Variants in ABLIM3 observed in about 807,000 individuals in gnomAD.
The protein encoded by ABLIM3 is actin binding LIM protein family member 3.
A neutral mutation model predicts 109.5 loss-of-function variants in ABLIM3; 61 were observed. The observed-to-expected ratio is 0.56, with a 90% confidence interval of 0.45 to 0.69. The LOEUF (loss-of-function observed/expected upper bound fraction) is 0.69, where lower values mean the gene tolerates loss of function less well. Ranked by LOEUF, ABLIM3 falls within the 30% of genes least tolerant of loss-of-function variation. The pLI is 0.00. For missense variants in ABLIM3, 796 were observed against 889.5 expected (o/e 0.89, Z 1.34); for synonymous variants, 300 against 324.8 (o/e 0.92, Z 0.82).
intron 5 of ABLIM3, among the ~76,000 whole-genome samples, chr5:149,202,588 A>G (rs892199895): frequency 6.6e-6 from 1 of 152,244 alleles, no homozygotes; most frequent in Non-Finnish European, 1.5e-5. Flanking sequence ...AAGAAAAAGA[A>G]CATATCATGG....
intron 15 of ABLIM3, 186 bp downstream of exon 15, chr5:149,242,724 A>G (rs1752977663): frequency 1.5e-6 from 1 of 652,430 alleles, no homozygotes; most frequent in Admixed American, 2.4e-5. Context: ...TCAAAAGAAC[A>G]AAGTCCTCAT....
chr5:149,177,449 AG>A (rs760105717), intron 2 of ABLIM3, among the ~76,000 whole-genome samples: 3 of 152,234 alleles, frequency 2.0e-5, no homozygotes, highest in Non-Finnish European at 4.4e-5. Context: ...ACAATGCCCT[AG>A]GATAACATAG....
At chr5:149,206,426 A>G (rs776007672) in intron 5 of ABLIM3, among the ~76,000 whole-genome samples, 4 of 152,198 alleles carry the variant, frequency 2.6e-5, no homozygotes, top group Non-Finnish European at 5.9e-5. Flanking sequence ...TTTGGCAAAT[A>G]TGCTTTGAGT....
chr5:149,257,120 C>T (rs1018076995), intron 23 of ABLIM3, among the ~76,000 whole-genome samples: 3 of 152,166 alleles, frequency 2.0e-5, no homozygotes, highest in Non-Finnish European at 4.4e-5. Flanking sequence ...GCCTAGGGAA[C>T]ATGGTGAAAC....
chr5:149,258,920 T>TG lies in ABLIM3; in HGVS notation c.*520dup. ...CCCAATTAGGAGCTCAGTGCTCTCT[T>TG]GGGGCAATGCAGTTAAAAGGGTGAG... On this transcript the variant is annotated 3_prime_UTR_variant, in exon 24 of 24. Coordinates refer to ENST00000309868, the MANE Select transcript of ABLIM3 (RefSeq NM_014945.5). 1.0e-6 allele frequency: 1 copy of TG among 990,870 alleles called. No individual in the cohort carries two copies. Among genetic ancestry groups the TG allele is most frequent in the Non-Finnish European group, 1.2e-6 (1 of 833,526 alleles). 61.4% of individuals were successfully genotyped at this position (990,870 alleles called of 1,614,324 possible). A position where few individuals can be genotyped will look rare whatever the true frequency, so the allele number is the denominator to read the frequency against.
At chr5:149,228,308 T>C (rs1257095978) in intron 8 of ABLIM3, among the ~76,000 whole-genome samples, 1 of 152,152 alleles carries the variant, frequency 6.6e-6, no homozygotes, top group East Asian at 1.9e-4. Flanking sequence ...TTCTGTTAAG[T>C]CTCTTCTTCA....
Position 149,169,192 on chromosome 5 carries a change from G to A in ABLIM3, c.14-14260G>A, listed in dbSNP as rs541623203. On this transcript the variant is annotated intron_variant, in intron 2 of 23. Transcript: ENST00000309868. Reference sequence around the variant, plus strand: ...GCGTAGACGCTAGAATGTTTGCAGCGACAAGCGACAGCCCCCAGCTAAAAC... The same window carrying A: ...GCGTAGACGCTAGAATGTTTGCAGCAACAAGCGACAGCCCCCAGCTAAAAC... Among the ~76,000 whole-genome samples, 49 of 148,666 alleles carry A rather than the reference G, an allele frequency of 3.3e-4. No individual in the cohort carries two copies. In the Middle Eastern group the frequency reaches 0.027, roughly 83 times the overall value.
intron 8 of ABLIM3, among the ~76,000 whole-genome samples, chr5:149,226,843 G>T (rs1286499914): frequency 6.6e-6 from 1 of 152,108 alleles, no homozygotes; most frequent in African/African-American, 2.4e-5. Flanking sequence ...GGCCGAGGCG[G>T]GCAGATCACC....
At position 149,259,827 on chromosome 5, in the gene ABLIM3, G is replaced by A. The variant is rs1754753729; in HGVS notation, c.*1423G>A. ...TGACAATAATGACTCTCAAGAGGCTGGCGATGTGACATGGCAAATGTAGAA... is the reference window on the plus strand; with the variant it reads ...TGACAATAATGACTCTCAAGAGGCTAGCGATGTGACATGGCAAATGTAGAA... On this transcript the variant is annotated 3_prime_UTR_variant, in exon 24 of 24. Transcript: ENST00000309868. 1 of 559,956 alleles carries A rather than the reference G, an allele frequency of 1.8e-6. No individual in the cohort carries two copies. The highest frequency in any genetic ancestry group is 3.2e-6 in the Non-Finnish European group (1 of 313,472). The allele number at this position is 559,956 out of a possible 1,614,324, so 34.7% of individuals were successfully genotyped here.
At chr5:149,197,334 G>A (rs748066994) in intron 3 of ABLIM3, among the ~76,000 whole-genome samples, 1 of 152,084 alleles carries the variant, frequency 6.6e-6, no homozygotes, top group Non-Finnish European at 1.5e-5. Flanking sequence ...TTCCTTTAGT[G>A]TTCAACTCAG....
At chr5:149,162,240 T>C (rs914102082) in intron 2 of ABLIM3, among the ~76,000 whole-genome samples, 8 of 152,198 alleles carry the variant, frequency 5.3e-5, no homozygotes, top group African/African-American at 1.7e-4. Flanking sequence ...CTTTCAATCA[T>C]TAAAATTTAA....
intron 18 of ABLIM3, among the ~76,000 whole-genome samples, chr5:149,249,533 G>A (rs1331800232): frequency 6.6e-6 from 1 of 152,198 alleles, no homozygotes. Flanking sequence ...GTGCACCAGT[G>A]CTGTTTGCAA....
chr5:149,233,303 A>G lies in ABLIM3; in HGVS notation c.888+3A>G. 1.2e-6 allele frequency: 2 copies of G among 1,613,956 alleles called. No homozygotes were observed. The highest frequency in any genetic ancestry group is 1.7e-6 in the Non-Finnish European group (2 of 1,179,828). On this transcript the variant is annotated splice_donor_region_variant and intron_variant, in intron 10 of 23. Transcript: ENST00000309868. ...GGTCACCCAACCGAGTCATCTGCGT[A>G]TGTATCACTTTTCTACCACCAAAGG...
At chr5:149,175,443 A>G (rs1755839379) in intron 2 of ABLIM3, among the ~76,000 whole-genome samples, 1 of 152,322 alleles carries the variant, frequency 6.6e-6, no homozygotes, top group East Asian at 1.9e-4. Context: ...GAGGGCAGAA[A>G]GGGCTTCTTT....
At chr5:149,222,256 C>T (rs1193401025) in intron 8 of ABLIM3, among the ~76,000 whole-genome samples, 1 of 152,064 alleles carries the variant, frequency 6.6e-6, no homozygotes, top group Non-Finnish European at 1.5e-5. Context: ...ATCCTCACGA[C>T]AACCCTGTCA....
intron 2 of ABLIM3, among the ~76,000 whole-genome samples, chr5:149,143,602 AT>A (rs1752680886): frequency 6.6e-6 from 1 of 151,498 alleles, no homozygotes; most frequent in African/African-American, 2.4e-5. Context: ...TTTACTACGT[AT>A]TTGTATGATT....
chr5:149,197,202 G>A (rs915504086), intron 3 of ABLIM3, among the ~76,000 whole-genome samples: 1 of 152,102 alleles, frequency 6.6e-6, no homozygotes, highest in Admixed American at 6.5e-5. Flanking sequence ...CCTCCAACTG[G>A]TCTGCACAAT....
chr5:149,246,538 A>G lies in ABLIM3; in HGVS notation c.1543A>G (p.Met515Val), dbSNP rs1753377782. ...GGEEDDFDRS[M>V]HKLQSGIGRL... Reference sequence around the variant, plus strand: ...AGAGGAGGATGATTTTGACCGCAGCATGCACAAGGTGGGCAGAGACCACAG... The same window carrying G: ...AGAGGAGGATGATTTTGACCGCAGCGTGCACAAGGTGGGCAGAGACCACAG... Residue 515 changes from methionine (M) to valine (V), a missense_variant, in exon 17 of 24, where the codon ATG (methionine) becomes GTG (valine). Transcript: ENST00000309868. 6.2e-7 allele frequency: 1 copy of G among 1,614,188 alleles called. No homozygotes were observed. Among genetic ancestry groups the G allele is most frequent in the Non-Finnish European group, 8.5e-7 (1 of 1,180,036 alleles).
chr5:149,245,100 A>G lies in ABLIM3; in HGVS notation c.1486+85A>G, dbSNP rs1753220516. 3.2e-6 allele frequency: 5 copies of G among 1,543,622 alleles called. No homozygotes were observed. The East Asian group carries it at 1.1e-4, about 35-fold the overall frequency. On this transcript the variant is annotated intron_variant, in intron 16 of 23. Transcript: ENST00000309868. The stretch of plus-strand genomic sequence containing the variant: ...GTTCAGAACAGTTGCCCACTCCTTT[A>G]TACAATCATTCTGAATAAGAGTGCT...
Sources: allele counts gnomAD v4.1 joint callset (sites outside exome capture counted in the v4.1 genomes callset), GRCh38; gene constraint gnomAD v4.1.1; transcripts MANE v1.5; gene names NCBI Gene and HGNC (gene_info 2026-07-23, HGNC 2026-07-21).